The following DGKD variants were observed in gnomAD, a reference collection of about 807,000 sequenced individuals.
DGKD encodes the protein diacylglycerol kinase delta.
A neutral mutation model predicts 154.4 loss-of-function variants in DGKD; 68 were observed. The ratio of observed to expected loss-of-function variants is 0.44; its 90% confidence interval spans 0.36 to 0.54. The LOEUF is 0.54. DGKD is among the 20% of genes least tolerant of loss of function. DGKD has a pLI of 0.00. For synonymous variants in DGKD, 693 were observed against 638.0 expected (o/e 1.09, Z -1.30); for missense variants, 1,343 against 1,593.6 (o/e 0.84, Z 2.68).
chr2:233,421,574 C>T (rs1341322135), intron 3 of DGKD, among the ~76,000 whole-genome samples: 3 of 152,200 alleles, frequency 2.0e-5, no homozygotes, highest in Non-Finnish European at 4.4e-5. Flanking sequence ...CCCCTGGCCC[C>T]CTTCCTGATG....
Position 233,457,908 on chromosome 2 carries a change from G to A in DGKD, c.2581-376G>A, listed in dbSNP as rs1353863350. 6 of 318,070 alleles carry A rather than the reference G, an allele frequency of 1.9e-5. No homozygotes were observed. The highest frequency in any genetic ancestry group is 3.1e-5 in the Non-Finnish European group (5 of 163,380). 19.7% of individuals were successfully genotyped at this position (318,070 alleles called of 1,614,324 possible). A position where few individuals can be genotyped will look rare whatever the true frequency, so the allele number is the denominator to read the frequency against. On this transcript the variant is annotated intron_variant, in intron 21 of 29. Transcript: ENST00000264057. This position sits in a 1 kb window ranked among gnomAD's most constrained non-coding sequence, Gnocchi z 5.5. ...TTAAACCTGGTTTAAACCTTCCTTT[G>A]TACGTAATAGCGAATAGAAGTATTC...
chr2:233,429,720 T>G (rs2062443668), intron 3 of DGKD, among the ~76,000 whole-genome samples: 2 of 152,234 alleles, frequency 1.3e-5, no homozygotes, highest in Admixed American at 1.3e-4. Flanking sequence ...CTCTCAAGCT[T>G]GAACAGCAGC....
intron 1 of DGKD, among the ~76,000 whole-genome samples, chr2:233,383,856 A>C (rs1703024452): frequency 6.6e-6 from 1 of 152,158 alleles, no homozygotes; most frequent in South Asian, 2.1e-4. Context: ...TACTTACGGG[A>C]ATATCCACTG....
intron 10 of DGKD, among the ~76,000 whole-genome samples, chr2:233,443,262 T>C (rs1294464503): frequency 6.6e-6 from 1 of 152,250 alleles, no homozygotes; most frequent in Non-Finnish European, 1.5e-5. Context: ...CCTGGTGAAG[T>C]TGAACGCCTC....
At chr2:233,391,356 C>A (rs1461353039) in intron 3 of DGKD, among the ~76,000 whole-genome samples, 1 of 152,270 alleles carries the variant, frequency 6.6e-6, no homozygotes, top group East Asian at 1.9e-4. Context: ...TATGTCTTTA[C>A]CTACATGTAC....
intron 24 of DGKD, among the ~76,000 whole-genome samples, chr2:233,462,047 G>C (rs973197001): frequency 6.6e-6 from 1 of 152,254 alleles, no homozygotes; most frequent in Non-Finnish European, 1.5e-5. Context: ...TGTGCACACT[G>C]TCACTTGCCC....
chr2:233,419,698 T>C (rs1245197981), intron 3 of DGKD, among the ~76,000 whole-genome samples: 1 of 152,184 alleles, frequency 6.6e-6, no homozygotes, highest in South Asian at 2.1e-4. Flanking sequence ...GGTGAATTCC[T>C]ACAGTCTGAG....
chr2:233,373,380 G>A (rs1014106572), intron 1 of DGKD, among the ~76,000 whole-genome samples: 1 of 152,158 alleles, frequency 6.6e-6, no homozygotes, highest in African/African-American at 2.4e-5. Context: ...ACATCTGCTT[G>A]CCTGCATTTT....
At chr2:233,385,989 G>A (rs945580974) in intron 1 of DGKD, 5 of 446,158 alleles carry the variant, frequency 1.1e-5, no homozygotes, top group Admixed American at 2.4e-5. Context: ...AAGATTGTGC[G>A]TGTGCGTGTG....
chr2:233,437,467 A>G lies in DGKD; in HGVS notation c.910A>G (p.Ile304Val), dbSNP rs1424419840. 1 of 1,613,956 alleles carries G rather than the reference A, an allele frequency of 6.2e-7. No homozygotes were observed. The highest frequency in any genetic ancestry group is 1.7e-5 in the Admixed American group (1 of 60,006). Residue 304 changes from isoleucine (I) to valine (V), a missense_variant, in exon 8 of 30, where the codon ATC (isoleucine) becomes GTC (valine). Around this residue, in one of 6 missense-constraint regions of DGKD, gnomAD observed 332 missense variants for 400.1 expected, o/e 0.83. Coordinates refer to ENST00000264057, the MANE Select transcript of DGKD (RefSeq NM_152879.3). ...CATCCCACCCACGGCTCTCAACAGC[A>G]TCGACTCCGATGGTGGGTACCACAC... ...SVIPPTALNS[I>V]DSDGFWKASC...
chr2:233,448,015 A>G, intron 12 of DGKD, 72 bp from the exon 13 acceptor site: 4 of 1,598,492 alleles, frequency 2.5e-6, no homozygotes, highest in Non-Finnish European at 3.4e-6. Context: ...AGTGGCTGAC[A>G]GAGTCACTGG....
Position 233,449,922 on chromosome 2 carries a change from C to A in DGKD, c.1889-60C>A. Reference sequence around the variant, plus strand: ...TGAGGATGAGGGGCCCTCCACCCAGCCTGACAGCGCCCTTGGCTTTGCACC... The same window carrying A: ...TGAGGATGAGGGGCCCTCCACCCAGACTGACAGCGCCCTTGGCTTTGCACC... On this transcript the variant is annotated intron_variant, in intron 15 of 29. Transcript: ENST00000264057. The surrounding 1 kb of genome is among the most constrained non-coding windows in gnomAD (Gnocchi z 5.3). The A allele has an allele frequency of 6.6e-7, 1 of 1,511,838 alleles. No homozygotes were observed. The highest frequency in any genetic ancestry group is 8.9e-7 in the Non-Finnish European group (1 of 1,127,878). The allele number at this position is 1,511,838 out of a possible 1,614,324, so 93.7% of individuals were successfully genotyped here.
intron 3 of DGKD, among the ~76,000 whole-genome samples, chr2:233,428,360 C>T (rs1270464492): frequency 1.3e-5 from 2 of 152,192 alleles, no homozygotes; most frequent in East Asian, 3.8e-4. Context: ...TGGGACTCTC[C>T]TGTGACATTT....
intron 6 of DGKD, 102 bp from the exon 7 acceptor site, chr2:233,436,214 C>G: frequency 6.4e-7 from 1 of 1,561,630 alleles, no homozygotes; most frequent in Non-Finnish European, 8.7e-7. Flanking sequence ...GGAGCTTGTT[C>G]TGGGAAGAAT....
At chr2:233,361,037 TGGCAGCCCTAG>T (rs71398787) in intron 1 of DGKD, among the ~76,000 whole-genome samples, 47,088 of 150,526 alleles carry the variant, frequency 0.31, 8,589 homozygotes, top group Middle Eastern at 0.46. Context: ...TGAAGTTTTA[TGGCAGCCCTAG>T]GGCAGCCCTG....
At chr2:233,403,202 C>G (rs376123430) in intron 3 of DGKD, among the ~76,000 whole-genome samples, 5 of 152,252 alleles carry the variant, frequency 3.3e-5, no homozygotes, top group African/African-American at 1.2e-4. Flanking sequence ...TGTATGGATT[C>G]ATTTGTTAAC....
intron 18 of DGKD, chr2:233,454,488 G>A (rs1295976408): frequency 2.0e-6 from 1 of 496,638 alleles, no homozygotes; most frequent in Non-Finnish European, 4.1e-6. Context: ...GTTAGTTGCT[G>A]ATGGCAGGAG....
At chr2:233,406,611 G>C (rs1035278235) in intron 3 of DGKD, among the ~76,000 whole-genome samples, 1 of 152,144 alleles carries the variant, frequency 6.6e-6, no homozygotes, top group Non-Finnish European at 1.5e-5. Context: ...CCCTCAAAGC[G>C]GTCTGTGGAT....
intron 1 of DGKD, among the ~76,000 whole-genome samples, chr2:233,382,382 A>G (rs1702948711): frequency 6.6e-6 from 1 of 152,210 alleles, no homozygotes; most frequent in Admixed American, 6.5e-5. Flanking sequence ...TTAATTAACC[A>G]TAGTCAGGTT....
Sources: gnomAD v4.1 joint callset for allele counts (sites outside exome capture counted in the v4.1 genomes callset) on GRCh38, gnomAD v4.1.1 for gene constraint, gnomAD v4.1.1 regional missense constraint, Gnocchi (gnomAD v3.1) non-coding constraint, MANE v1.5 for transcripts, NCBI Gene and HGNC (gene_info 2026-07-23, HGNC 2026-07-21) for gene names.